GOLGA8A: variants seen among roughly 807,000 people sequenced by gnomAD.
The protein encoded by GOLGA8A is golgin A8 family member A.
Under a neutral mutation model 22.1 loss-of-function variants are expected in GOLGA8A, and 3 were observed. That is an observed-to-expected ratio of 0.14 (90% confidence interval 0.06 to 0.35). The LOEUF (loss-of-function observed/expected upper bound fraction) is 0.35. Among genes scored for constraint, GOLGA8A ranks in the 10% least tolerant of loss-of-function variants. The pLI, the probability that GOLGA8A is intolerant of heterozygous loss-of-function variation, is 1.00. For synonymous variants in GOLGA8A, 7 were observed against 91.7 expected, an observed-to-expected ratio of 0.08 and a Z score of 5.28; for missense variants, 16 against 233.2, an observed-to-expected ratio of 0.07 and a Z score of 6.07.
At position 34,381,310 on chromosome 15, in the gene GOLGA8A, CT is replaced by C; in HGVS notation, c.*100del. 9.3e-7 allele frequency: 1 copy of C among 1,078,760 alleles called. No individual in the cohort carries two copies. Among genetic ancestry groups the C allele is most frequent in the Middle Eastern group, 2.9e-4 (1 of 3,404 alleles). 66.8% of individuals were successfully genotyped at this position (1,078,760 alleles called of 1,614,324 possible). A position where few individuals can be genotyped will look rare whatever the true frequency, so the allele number is the denominator to read the frequency against. ...GAAACACAAATAATCATGAGTAGCT[CT>C]AACATTCAAATGAAGTAAATGAATT... On this transcript the variant is annotated 3_prime_UTR_variant, in exon 25 of 25. Transcript: ENST00000359187.
intron 2 of GOLGA8A, among the ~76,000 whole-genome samples, chr15:34,414,750 C>T (rs1259938026): frequency 8.6e-6 from 1 of 115,988 alleles, no homozygotes; most frequent in African/African-American, 3.5e-5. Context: ...GGAATTCTCC[C>T]TAGTTCTGCA....
intron 1 of GOLGA8A, among the ~76,000 whole-genome samples, chr15:34,436,270 GTCCT>G (rs1193365501): frequency 6.7e-6 from 1 of 149,326 alleles, no homozygotes; most frequent in Non-Finnish European, 1.5e-5. Flanking sequence ...TAAAACCACT[GTCCT>G]TTCTGAAACA....
intron 2 of GOLGA8A, among the ~76,000 whole-genome samples, chr15:34,431,312 CATATAT>C (rs1157766795): frequency 0.037 from 1,700 of 45,604 alleles, 93 homozygotes; most frequent in African/African-American, 0.096. Flanking sequence ...TATATATATA[CATATAT>C]ATATATATAT....
chr15:34,422,027 CACT>C (rs1282409543), intron 2 of GOLGA8A, among the ~76,000 whole-genome samples: 2 of 105,624 alleles, frequency 1.9e-5, no homozygotes, highest in African/African-American at 3.5e-5. Context: ...AGGTGGACAC[CACT>C]GAGCTGGCGA....
In GOLGA8A at chr15:34,380,695, C is replaced by CT. The variant is rs926405734; in HGVS notation, c.*715dup. 28 of 157,744 alleles carry CT rather than the reference C, an allele frequency of 1.8e-4. No individual in the cohort carries two copies. The highest frequency in any genetic ancestry group is 6.8e-4 in the African/African-American group (28 of 41,406). 9.8% of individuals were successfully genotyped at this position (157,744 alleles called of 1,614,324 possible). A position where few individuals can be genotyped will look rare whatever the true frequency, so the allele number is the denominator to read the frequency against. ...ATCCAAAGGGAACTGCCACAGTACA[C>CT]TGCTCATTCTTGGCACCGGAACAGA... is the stretch of plus-strand genomic sequence containing the variant. On this transcript the variant is annotated 3_prime_UTR_variant, in exon 25 of 25. Transcript: ENST00000359187.
At chr15:34,421,374 C>G (rs1231094235) in intron 2 of GOLGA8A, among the ~76,000 whole-genome samples, 12 of 142,398 alleles carry the variant, frequency 8.4e-5, no homozygotes, top group African/African-American at 3.1e-4. Flanking sequence ...GTCATTGCAG[C>G]CCATCTCCAG....
At chr15:34,428,128 C>T (rs1374983703) in intron 2 of GOLGA8A, among the ~76,000 whole-genome samples, 1 of 145,178 alleles carries the variant, frequency 6.9e-6, no homozygotes, top group Non-Finnish European at 1.5e-5. Context: ...GAAGTTCTCA[C>T]TCTGTCACCC....
chr15:34,429,281 C>G (rs1030247343), intron 2 of GOLGA8A, among the ~76,000 whole-genome samples: 4 of 146,436 alleles, frequency 2.7e-5, no homozygotes, highest in African/African-American at 1.0e-4. Flanking sequence ...TACTTTGCTC[C>G]CAACCCACAG....
intron 2 of GOLGA8A, among the ~76,000 whole-genome samples, chr15:34,426,490 G>C (rs1892989553): frequency 6.8e-6 from 1 of 147,166 alleles, no homozygotes; most frequent in Non-Finnish European, 1.5e-5. Flanking sequence ...TGAAGTTAGG[G>C]GGAAGCTTTC....
rs891193028 is a variant in GOLGA8A at position 34,381,018 on chromosome 15, A to G, written c.*393T>C. 1.3e-4 allele frequency: 46 copies of G among 351,118 alleles called. No homozygotes were observed. Among genetic ancestry groups the G allele is most frequent in the Non-Finnish European group, 2.3e-4 (42 of 183,546 alleles). 21.8% of individuals were successfully genotyped at this position (351,118 alleles called of 1,614,324 possible). On this transcript the variant is annotated 3_prime_UTR_variant, in exon 25 of 25. Transcript: ENST00000359187. ...GCAGAACATTAGCAAATTTTATCTG[A>G]ATTCTGTAATGGACATCCATGCTGC...
intron 2 of GOLGA8A, among the ~76,000 whole-genome samples, chr15:34,412,576 T>C (rs201530240): frequency 0.083 from 11,920 of 142,828 alleles, 718 homozygotes; most frequent in South Asian, 0.24. Flanking sequence ...CTTCGGCTCA[T>C]CTGCTTGCAG....
At chr15:34,430,410 A>T (rs1418980389) in intron 2 of GOLGA8A, among the ~76,000 whole-genome samples, 1 of 149,176 alleles carries the variant, frequency 6.7e-6, no homozygotes, top group Non-Finnish European at 1.5e-5. Flanking sequence ...CACTTCTAGT[A>T]GGAGCTGTGG....
At chr15:34,432,862 T>C (rs559679167) in intron 2 of GOLGA8A, among the ~76,000 whole-genome samples, 3 of 149,180 alleles carry the variant, frequency 2.0e-5, no homozygotes, top group African/African-American at 4.9e-5. Context: ...CTCACAAACC[T>C]GACCCTTAAA....
intron 1 of GOLGA8A, among the ~76,000 whole-genome samples, chr15:34,436,736 G>C (rs1256608057): frequency 6.7e-6 from 1 of 150,026 alleles, no homozygotes; most frequent in South Asian, 2.1e-4. Flanking sequence ...TCTGCGGCCA[G>C]ATCTCCCTCC....
At position 34,380,548 on chromosome 15, in the gene GOLGA8A, A is replaced by G. The variant is rs1301477812; in HGVS notation, c.*863T>C. 6.6e-6 allele frequency: 1 copy of G among 152,284 alleles called. No homozygotes were observed. The highest frequency in any genetic ancestry group is 1.5e-5 in the Non-Finnish European group (1 of 68,086). The allele number at this position is 152,284 out of a possible 1,614,324, so 9.4% of individuals were successfully genotyped here. Reference sequence around the variant, plus strand: ...CTCTAAGCTAGGAAAGGTTTTTCACACCCACAGCCAATGATGGCAGCCTTT... The same window carrying G: ...CTCTAAGCTAGGAAAGGTTTTTCACGCCCACAGCCAATGATGGCAGCCTTT... On this transcript the variant is annotated 3_prime_UTR_variant, in exon 25 of 25. Coordinates refer to ENST00000359187, the MANE Select transcript of GOLGA8A (RefSeq NM_181077.5).
intron 2 of GOLGA8A, among the ~76,000 whole-genome samples, chr15:34,423,276 T>C (rs1256864464): frequency 8.0e-6 from 1 of 125,454 alleles, no homozygotes; most frequent in Admixed American, 8.3e-5. Flanking sequence ...CTGCAGCTCC[T>C]GTTGGAAGAG....
chr15:34,426,945 G>A (rs2140281269), intron 2 of GOLGA8A, among the ~76,000 whole-genome samples: 1 of 145,536 alleles, frequency 6.9e-6, no homozygotes, highest in Non-Finnish European at 1.5e-5. Context: ...GGGGAGCACT[G>A]CCCCTCAGAC....
intron 2 of GOLGA8A, among the ~76,000 whole-genome samples, chr15:34,412,352 A>G (rs1208331978): frequency 3.1e-5 from 4 of 129,668 alleles, no homozygotes; most frequent in Non-Finnish European, 5.0e-5. Flanking sequence ...CTTTTAAGAG[A>G]CACTGGGTGC....
intron 12 of GOLGA8A, 124 bp from the exon 13 acceptor site, chr15:34,385,902 CAGGAACTGTTCCCA>C: frequency 2.0e-6 from 1 of 510,908 alleles, no homozygotes; most frequent in Non-Finnish European, 3.4e-6. Context: ...CCAATGGGAA[CAGGAACTGTTCCCA>C]AGCTCCCAAG....
Sources: gnomAD v4.1 joint callset for allele counts (sites outside exome capture counted in the v4.1 genomes callset) on GRCh38, gnomAD v4.1.1 for gene constraint, MANE v1.5 for transcripts, NCBI Gene and HGNC (gene_info 2026-07-23, HGNC 2026-07-21) for gene names.